Variants in TASP1 observed in about 807,000 individuals in gnomAD.
TASP1 encodes the protein threonine aspartase 1.
A neutral mutation model predicts 56.6 loss-of-function variants in TASP1; 16 were observed. That is an observed-to-expected ratio of 0.28 (90% confidence interval 0.19 to 0.43). The LOEUF (loss-of-function observed/expected upper bound fraction) is 0.43, where lower values mean the gene tolerates loss of function less well. Among genes scored for constraint, TASP1 ranks in the 20% least tolerant of loss-of-function variants. The probability of loss-of-function intolerance (pLI) is 1.00; values close to 1 mark genes in which losing one functional copy is unlikely to be tolerated. For missense variants in TASP1, 393 were observed against 511.6 expected, an observed-to-expected ratio of 0.77 and a Z score of 2.24; for synonymous variants, 179 against 184.2, an observed-to-expected ratio of 0.97 and a Z score of 0.23.
intron 10 of TASP1, among the ~76,000 whole-genome samples, chr20:13,520,842 T>C (rs1256536140): frequency 1.2e-4 from 18 of 152,020 alleles, no homozygotes; most frequent in South Asian, 4.1e-4. Flanking sequence ...AGGCAACCTA[T>C]AGAATGGGAG....
At chr20:13,256,790 CT>C in the TASP1 span, among the ~76,000 whole-genome samples, 1 of 152,172 alleles carries the variant, frequency 6.6e-6, no homozygotes, top group African/African-American at 2.4e-5. Flanking sequence ...GTTTTCTCAT[CT>C]GTACAATGGG....
the TASP1 span, among the ~76,000 whole-genome samples, chr20:13,298,295 C>T: frequency 1.3e-5 from 2 of 151,914 alleles, no homozygotes; most frequent in African/African-American, 4.8e-5. Context: ...TTAGTAGAGA[C>T]GGGGTTTCAC....
chr20:13,585,667 C>T lies in TASP1; in HGVS notation c.403+1583G>A, dbSNP rs183548483. Among the ~76,000 whole-genome samples, 592 of 152,276 alleles carry T rather than the reference C, an allele frequency of 3.9e-3. 13 individuals carry two copies. Among genetic ancestry groups the T allele is most frequent in the Admixed American group, 0.036 (556 of 15,286 alleles). On this transcript the variant is annotated intron_variant, in intron 5 of 13. Transcript: ENST00000337743. ...CTAGGGACACTCAATAATACCACTACACACATATCAAAATGGCTGAATTTT... is the reference window on the plus strand; with the variant it reads ...CTAGGGACACTCAATAATACCACTATACACATATCAAAATGGCTGAATTTT...
intron 1 of TASP1, among the ~76,000 whole-genome samples, chr20:13,634,764 C>T (rs1048558408): frequency 4.1e-5 from 6 of 147,702 alleles, no homozygotes; most frequent in Non-Finnish European, 8.9e-5. Context: ...CTCAGTGGCT[C>T]ACACCTGTAA....
the TASP1 span, among the ~76,000 whole-genome samples, chr20:13,258,973 G>A: frequency 6.6e-6 from 1 of 152,086 alleles, no homozygotes; most frequent in Non-Finnish European, 1.5e-5. Flanking sequence ...TACAGATGGC[G>A]AGCTGTGGTA....
chr20:13,392,958 TA>T (rs2041348385), intron 13 of TASP1: 3 of 603,618 alleles, frequency 5.0e-6, no homozygotes, highest in Admixed American at 3.8e-5. Context: ...CTGAGTACAT[TA>T]TGGAGCCCAC....
At chr20:13,222,634 G>A in the TASP1 span, among the ~76,000 whole-genome samples, 1 of 152,162 alleles carries the variant, frequency 6.6e-6, no homozygotes. Flanking sequence ...GTTGAAGGTC[G>A]CTTTAGCAAT....
At chr20:13,268,306 CTCTTT>C in the TASP1 span, among the ~76,000 whole-genome samples, 2 of 150,334 alleles carry the variant, frequency 1.3e-5, no homozygotes, top group African/African-American at 2.5e-5. Flanking sequence ...TCCTTCTCTT[CTCTTT>C]TCTCTTCTCT....
chr20:13,594,751 T>A (rs540466014), intron 4 of TASP1, among the ~76,000 whole-genome samples: 1 of 152,346 alleles, frequency 6.6e-6, no homozygotes, highest in Non-Finnish European at 1.5e-5. Context: ...TACGTCTGAT[T>A]GGTATACCTC....
the TASP1 span, among the ~76,000 whole-genome samples, chr20:13,108,022 C>G: frequency 6.6e-6 from 1 of 151,962 alleles, no homozygotes; most frequent in Admixed American, 6.6e-5. Flanking sequence ...AGAGATCTTG[C>G]TAGTATGCAG....
intron 8 of TASP1, among the ~76,000 whole-genome samples, chr20:13,538,681 T>G (rs1178222423): frequency 6.6e-6 from 1 of 152,124 alleles, no homozygotes; most frequent in Non-Finnish European, 1.5e-5. Flanking sequence ...TCTATATCTC[T>G]CACAAATCAG....
intron 11 of TASP1, among the ~76,000 whole-genome samples, chr20:13,444,860 T>C (rs896374739): frequency 6.6e-6 from 1 of 152,166 alleles, no homozygotes; most frequent in African/African-American, 2.4e-5. Context: ...CTGGTCCAGG[T>C]CTCTGTCTAT....
At chr20:13,582,971 G>GTAC (rs1311576084) in intron 5 of TASP1, among the ~76,000 whole-genome samples, 1 of 152,156 alleles carries the variant, frequency 6.6e-6, no homozygotes, top group East Asian at 1.9e-4. Context: ...GACCAATGTG[G>GTAC]TACTCTCCTG....
chr20:13,334,387 C>T, the TASP1 span, among the ~76,000 whole-genome samples: 10 of 152,288 alleles, frequency 6.6e-5, no homozygotes, highest in Admixed American at 3.3e-4. Context: ...TTGAAACTGT[C>T]GTAGTATAGA....
chr20:13,308,605 T>A, the TASP1 span, among the ~76,000 whole-genome samples: 1 of 152,114 alleles, frequency 6.6e-6, no homozygotes, highest in African/African-American at 2.4e-5. Context: ...AAATCAACCA[T>A]GTTAAGTTCA....
intron 4 of TASP1, among the ~76,000 whole-genome samples, chr20:13,618,785 C>G (rs1051580059): frequency 1.3e-5 from 2 of 151,700 alleles, no homozygotes; most frequent in African/African-American, 4.8e-5. Context: ...TTTTTAATAA[C>G]AGAAGTTCAA....
chr20:13,623,404 T>A (rs755454783), intron 4 of TASP1, 42 bp downstream of exon 4: 1 of 1,529,674 alleles, frequency 6.5e-7, no homozygotes, highest in African/African-American at 1.4e-5. Flanking sequence ...ACAATAAAGA[T>A]AAACTCACAA....
the TASP1 span, among the ~76,000 whole-genome samples, chr20:13,351,551 T>C: frequency 1.3e-5 from 2 of 152,212 alleles, no homozygotes; most frequent in South Asian, 4.1e-4. Flanking sequence ...TTACATATTA[T>C]ATGATTCCAT....
the TASP1 span, among the ~76,000 whole-genome samples, chr20:13,334,063 G>A: frequency 7.9e-5 from 12 of 152,270 alleles, no homozygotes; most frequent in East Asian, 2.3e-3. Context: ...CAAGTACCAT[G>A]GGAACACGTA....
Sources: gnomAD v4.1 joint callset for allele counts (sites outside exome capture counted in the v4.1 genomes callset) on GRCh38, gnomAD v4.1.1 for gene constraint, MANE v1.5 for transcripts, NCBI Gene and HGNC (gene_info 2026-07-23, HGNC 2026-07-21) for gene names.